FANCC: variants seen among roughly 807,000 people sequenced by gnomAD.
FANCC encodes the protein Fanconi anemia group C protein.
FANCC carries 55 observed loss-of-function variants against 71.3 expected under a neutral mutation model. The observed-to-expected ratio is 0.77, with a 90% confidence interval of 0.62 to 0.97. The LOEUF (loss-of-function observed/expected upper bound fraction) is 0.97. Ranked by LOEUF, FANCC falls within the 50% of genes least tolerant of loss-of-function variation. The probability of loss-of-function intolerance (pLI) is 0.00; values close to 1 mark genes in which losing one functional copy is unlikely to be tolerated. For synonymous variants in FANCC, 275 were observed against 244.9 expected, an observed-to-expected ratio of 1.12 and a Z score of -1.15; for missense variants, 678 against 670.9, an observed-to-expected ratio of 1.01 and a Z score of -0.12.
chr9:95,293,311 C>T, intron 1 of FANCC: 4 of 1,612,810 alleles, frequency 2.5e-6, no homozygotes, highest in Non-Finnish European at 3.4e-6. Context: ...ACTCCTCAGC[C>T]CAGCCTGTGG....
chr9:95,193,264 G>C (rs1199301802), intron 4 of FANCC, among the ~76,000 whole-genome samples: 1 of 152,288 alleles, frequency 6.6e-6, no homozygotes, highest in South Asian at 2.1e-4. Context: ...AGACCTGAAA[G>C]GTAAGAAAAG....
rs1250940671 is a variant in FANCC, at chr9:95,210,593, T to C, written c.345+30056A>G. On this transcript the variant is annotated intron_variant, in intron 4 of 14. Coordinates refer to ENST00000289081, the MANE Select transcript of FANCC (RefSeq NM_000136.3). ...ATCCTACGAGGTGGTAAAGTTATTT[T>C]GTCACTACAGATAGAAAACTGTAAT... Among the ~76,000 whole-genome samples the C allele has an allele frequency of 3.3e-5, 5 of 152,202 alleles. No individual in the cohort carries two copies. In the East Asian group the frequency reaches 9.6e-4, roughly 29 times the overall value.
intron 8 of FANCC, among the ~76,000 whole-genome samples, chr9:95,134,442 C>T (rs759663385): frequency 3.3e-5 from 5 of 152,138 alleles, no homozygotes; most frequent in African/African-American, 4.8e-5. Context: ...AACTAAAGAC[C>T]GGACCGTTCA....
intron 4 of FANCC, among the ~76,000 whole-genome samples, chr9:95,229,966 G>A (rs934736199): frequency 3.3e-5 from 5 of 151,992 alleles, no homozygotes; most frequent in African/African-American, 1.2e-4. Flanking sequence ...TTTATTTTGT[G>A]CCTGCTATGA....
In FANCC at chr9:95,172,093, A is replaced by G. The variant is rs1161860307; in HGVS notation, c.400T>C (p.Phe134Leu). ...ALRFDKEVAL[F>L]TQGLGYAPID... Reference sequence around the variant, plus strand: ...GGTGCATACCCAAGACCTTGAGTGAAAAGAGCAACTTCTTTATCAAATCTG... The same window carrying G: ...GGTGCATACCCAAGACCTTGAGTGAGAAGAGCAACTTCTTTATCAAATCTG... Residue 134 changes from phenylalanine to leucine, a missense_variant, in exon 5 of 15, where the codon TTC becomes CTC. By Grantham distance (22) the Phe-to-Leu change is conservative. Coordinates refer to ENST00000289081, the MANE Select transcript of FANCC (RefSeq NM_000136.3). 4 of 1,613,536 alleles carry G rather than the reference A, an allele frequency of 2.5e-6. No homozygotes were observed. The highest frequency in any genetic ancestry group is 1.3e-5 in the African/African-American group (1 of 75,022).
chr9:95,107,727 G>A (rs1456406558), intron 13 of FANCC, among the ~76,000 whole-genome samples: 2 of 152,104 alleles, frequency 1.3e-5, no homozygotes, highest in African/African-American at 2.4e-5. Context: ...GTCAGGGCGG[G>A]GGGTCGGGGG....
At chr9:95,197,501 T>C (rs1431019429) in intron 4 of FANCC, among the ~76,000 whole-genome samples, 3 of 152,194 alleles carry the variant, frequency 2.0e-5, no homozygotes, top group East Asian at 3.8e-4. Context: ...ATTGTGCCAC[T>C]GCACTCCAGC....
At chr9:95,226,510 C>T (rs374231239) in intron 4 of FANCC, among the ~76,000 whole-genome samples, 51 of 152,314 alleles carry the variant, frequency 3.3e-4, no homozygotes, top group African/African-American at 1.2e-3. Flanking sequence ...TGCCCAGGAA[C>T]ACGGCAGACA....
intron 3 of FANCC, among the ~76,000 whole-genome samples, chr9:95,241,541 G>C (rs1830629163): frequency 6.6e-6 from 1 of 152,170 alleles, no homozygotes; most frequent in Non-Finnish European, 1.5e-5. Flanking sequence ...GAAGATGTCA[G>C]TACCCGAGCT....
intron 4 of FANCC, among the ~76,000 whole-genome samples, chr9:95,219,106 T>A (rs1388431082): frequency 6.6e-6 from 1 of 152,078 alleles, no homozygotes; most frequent in Non-Finnish European, 1.5e-5. Flanking sequence ...AGAGTTCGGA[T>A]GGGAATGCTG....
At chr9:95,117,964 T>C (rs553545178) in intron 10 of FANCC, among the ~76,000 whole-genome samples, 1 of 152,190 alleles carries the variant, frequency 6.6e-6, no homozygotes, top group South Asian at 2.1e-4. Flanking sequence ...TCAGGTGATC[T>C]GGCCGCCTCG....
intron 1 of FANCC, among the ~76,000 whole-genome samples, chr9:95,276,331 G>C (rs1327957730): frequency 1.3e-5 from 2 of 152,186 alleles, no homozygotes; most frequent in African/African-American, 4.8e-5. Context: ...TATCCTAACA[G>C]TACCTCTGGT....
chr9:95,149,834 C>T, intron 7 of FANCC, 89 bp downstream of exon 7: 10 of 1,423,104 alleles, frequency 7.0e-6, no homozygotes, highest in Admixed American at 2.0e-5. Context: ...AACGTTTGGA[C>T]ACTGCTGTCG....
intron 1 of FANCC, chr9:95,292,727 C>T: frequency 7.5e-7 from 1 of 1,334,418 alleles, no homozygotes; most frequent in East Asian, 2.3e-5. Flanking sequence ...CGAAATTCTA[C>T]TGTTGTCCAA....
intron 1 of FANCC, among the ~76,000 whole-genome samples, chr9:95,305,228 A>G (rs1835004419): frequency 6.6e-6 from 1 of 152,258 alleles, no homozygotes; most frequent in Non-Finnish European, 1.5e-5. Context: ...ATTAGGCCAA[A>G]GCCCAGTTAT....
intron 14 of FANCC, among the ~76,000 whole-genome samples, chr9:95,103,120 C>A (rs1703795914): frequency 6.6e-6 from 1 of 152,046 alleles, no homozygotes; most frequent in Non-Finnish European, 1.5e-5. Flanking sequence ...AGTTAATATA[C>A]CACCCAGACC....
intron 4 of FANCC, among the ~76,000 whole-genome samples, chr9:95,221,657 A>G (rs1418297815): frequency 6.6e-6 from 1 of 152,244 alleles, no homozygotes; most frequent in Non-Finnish European, 1.5e-5. Flanking sequence ...TATCTGGAAT[A>G]TAAAGGGTAG....
At chr9:95,170,848 A>C (rs1294018692) in intron 6 of FANCC, among the ~76,000 whole-genome samples, 1 of 152,120 alleles carries the variant, frequency 6.6e-6, no homozygotes, top group Non-Finnish European at 1.5e-5. Context: ...TGGGCCCACA[A>C]AAGACATTGT....
At chr9:95,110,940 CAA>C (rs1193293627) in intron 13 of FANCC, 4 of 1,342,544 alleles carry the variant, frequency 3.0e-6, no homozygotes, top group Non-Finnish European at 3.8e-6. Context: ...TTTTCAGAAG[CAA>C]AGTGGTTAAT....
Sources: gnomAD v4.1 joint callset for allele counts (sites outside exome capture counted in the v4.1 genomes callset) on GRCh38, gnomAD v4.1.1 for gene constraint, MANE v1.5 for transcripts, NCBI Gene and HGNC (gene_info 2026-07-23, HGNC 2026-07-21) for gene names.